PALLD: variants seen among roughly 807,000 people sequenced by gnomAD.
The protein encoded by PALLD is palladin, cytoskeletal associated protein.
A neutral mutation model predicts 123.5 loss-of-function variants in PALLD; 61 were observed. The ratio of observed to expected loss-of-function variants is 0.49; its 90% CI spans 0.40 to 0.61. The LOEUF (loss-of-function observed/expected upper bound fraction) is 0.61. Among genes scored for constraint, PALLD ranks in the 20% least tolerant of loss-of-function variants. The pLI, the probability that PALLD is intolerant of heterozygous loss-of-function variation, is 0.00. For missense variants in PALLD, 1,273 were observed against 1,377.0 expected, an observed-to-expected ratio of 0.92 and a Z score of 1.20; for synonymous variants, 465 against 496.4, an observed-to-expected ratio of 0.94 and a Z score of 0.84.
At chr4:168,910,640 C>T (rs769519865) in intron 15 of PALLD, among the ~76,000 whole-genome samples, 7 of 152,104 alleles carry the variant, frequency 4.6e-5, no homozygotes, top group Non-Finnish European at 7.4e-5. Flanking sequence ...GTATTAATGC[C>T]TTTAATCTTC....
At chr4:168,872,090 A>C (rs1276310877) in intron 10 of PALLD, among the ~76,000 whole-genome samples, 2 of 152,200 alleles carry the variant, frequency 1.3e-5, no homozygotes, top group Non-Finnish European at 2.9e-5. Flanking sequence ...TTCATGTTAC[A>C]TGAGAGACTC....
chr4:168,827,569 C>T (rs1743586573), intron 10 of PALLD, among the ~76,000 whole-genome samples: 1 of 152,190 alleles, frequency 6.6e-6, no homozygotes, highest in Admixed American at 6.5e-5. Context: ...CATAACATTA[C>T]TATGAAGCAA....
chr4:168,774,928 T>C (rs1052431023), intron 10 of PALLD, among the ~76,000 whole-genome samples: 1 of 152,168 alleles, frequency 6.6e-6, no homozygotes, highest in African/African-American at 2.4e-5. Context: ...GTTTGATTTC[T>C]TCCACTCAGC....
At chr4:168,660,412 T>C (rs953238320) in intron 2 of PALLD, among the ~76,000 whole-genome samples, 2 of 152,218 alleles carry the variant, frequency 1.3e-5, no homozygotes, top group Non-Finnish European at 2.9e-5. Flanking sequence ...CCTTGAAATG[T>C]AGAAAGTGAA....
At chr4:168,546,719 C>G (rs1207609200) in intron 2 of PALLD, among the ~76,000 whole-genome samples, 2 of 152,192 alleles carry the variant, frequency 1.3e-5, no homozygotes, top group Admixed American at 1.3e-4. Context: ...CGGTTTGTCA[C>G]TGTCCCACTT....
chr4:168,838,324 C>T (rs1745491786), intron 10 of PALLD, among the ~76,000 whole-genome samples: 1 of 152,094 alleles, frequency 6.6e-6, no homozygotes, highest in African/African-American at 2.4e-5. Context: ...TCTCCTGTAG[C>T]CCCAGAAAAC....
intron 10 of PALLD, among the ~76,000 whole-genome samples, chr4:168,769,237 C>T (rs1019952902): frequency 3.0e-4 from 46 of 152,322 alleles, no homozygotes; most frequent in Admixed American, 3.3e-4. Flanking sequence ...CAGATTTCCA[C>T]GCACACAATC....
At chr4:168,731,687 A>G (rs555849935) in intron 10 of PALLD, among the ~76,000 whole-genome samples, 39 of 152,366 alleles carry the variant, frequency 2.6e-4, no homozygotes, top group African/African-American at 9.1e-4. Flanking sequence ...TTCCTCTGCT[A>G]TGCTGAGTTT....
intron 3 of PALLD, among the ~76,000 whole-genome samples, chr4:168,674,308 G>A (rs757106832): frequency 1.3e-5 from 2 of 152,160 alleles, no homozygotes; most frequent in African/African-American, 4.8e-5. Context: ...TAGAGCACAG[G>A]GTGAGAATGC....
chr4:168,796,611 A>G (rs1470998518), intron 10 of PALLD, among the ~76,000 whole-genome samples: 2 of 152,234 alleles, frequency 1.3e-5, no homozygotes, highest in African/African-American at 4.8e-5. Context: ...AAGAGGTTCC[A>G]TCTATGAGAT....
At chr4:168,503,771 G>A (rs1444500499) in intron 1 of PALLD, among the ~76,000 whole-genome samples, 1 of 152,212 alleles carries the variant, frequency 6.6e-6, no homozygotes, top group Non-Finnish European at 1.5e-5. Context: ...AGTGGGCCAG[G>A]GAGGCCTGAG....
intron 3 of PALLD, among the ~76,000 whole-genome samples, chr4:168,673,891 TGTGTG>T (rs1580883808): frequency 1.2e-5 from 1 of 82,494 alleles, no homozygotes; most frequent in African/African-American, 1.3e-4. Flanking sequence ...GAACGTGCTG[TGTGTG>T]TGTGTGTGTG....
chr4:168,586,178 A>AG (rs199831688), intron 2 of PALLD, among the ~76,000 whole-genome samples: 1 of 133,922 alleles, frequency 7.5e-6, no homozygotes. Context: ...AAAAAAAAAA[A>AG]GGCTTTCTAA....
chr4:168,890,258 C>T (rs1463518961), intron 10 of PALLD, among the ~76,000 whole-genome samples: 2 of 152,170 alleles, frequency 1.3e-5, no homozygotes, highest in African/African-American at 4.8e-5. Context: ...GAGCCCTGGC[C>T]TCACCAGAAG....
intron 2 of PALLD, among the ~76,000 whole-genome samples, chr4:168,572,681 CTG>C (rs1329330676): frequency 6.6e-6 from 1 of 151,952 alleles, no homozygotes; most frequent in African/African-American, 2.4e-5. Context: ...GAGTCATACT[CTG>C]TTCCTTCACA....
At chr4:168,558,670 C>T (rs1225230357) in intron 2 of PALLD, among the ~76,000 whole-genome samples, 3 of 152,188 alleles carry the variant, frequency 2.0e-5, no homozygotes, top group Non-Finnish European at 4.4e-5. Context: ...GTCTCAGATA[C>T]ACGTGGGTAC....
intron 3 of PALLD, among the ~76,000 whole-genome samples, chr4:168,675,914 G>A (rs1185583037): frequency 6.6e-6 from 1 of 152,072 alleles, no homozygotes; most frequent in African/African-American, 2.4e-5. Context: ...AAAATAGCCA[G>A]GCATGGTGGT....
At chr4:168,784,521 G>T (rs1346213262) in intron 10 of PALLD, among the ~76,000 whole-genome samples, 1 of 152,200 alleles carries the variant, frequency 6.6e-6, no homozygotes, top group East Asian at 1.9e-4. Context: ...TGAAGGCAGA[G>T]GGCGGCTTGA....
At chr4:168,812,695 C>G (rs1383296659) in intron 10 of PALLD, among the ~76,000 whole-genome samples, 1 of 152,216 alleles carries the variant, frequency 6.6e-6, no homozygotes, top group Non-Finnish European at 1.5e-5. Flanking sequence ...ATGTTACATT[C>G]ACAATCAGGC....
Sources: gnomAD v4.1 joint callset for allele counts (sites outside exome capture counted in the v4.1 genomes callset) on GRCh38, gnomAD v4.1.1 for gene constraint, MANE v1.5 for transcripts, NCBI Gene and HGNC (gene_info 2026-07-23, HGNC 2026-07-21) for gene names.